The following MARK1 variants were observed in gnomAD, a reference collection of about 807,000 sequenced individuals.
The protein encoded by MARK1 is microtubule affinity regulating kinase 1, also known as serine/threonine-protein kinase MARK1.
Under a neutral mutation model 96.3 loss-of-function variants are expected in MARK1, and 40 were observed. The ratio of observed to expected loss-of-function variants is 0.42; its 90% CI spans 0.32 to 0.54. MARK1 has a LOEUF of 0.54. Ranked by LOEUF, MARK1 falls within the 20% of genes least tolerant of loss-of-function variation. MARK1 has a pLI of 0.16. For synonymous variants in MARK1, 317 were observed against 341.2 expected (o/e 0.93, Z 0.78); for missense variants, 719 against 984.6 (o/e 0.73, Z 3.61).
Position 220,618,229 on chromosome 1 carries a change from T to C in MARK1, c.553-81T>C. ...AAATGAGGGGCAAGAGATATGTAAGTTTGGAAGCTAAAACTCTTTTACAAA... is the reference window on the plus strand; with the variant it reads ...AAATGAGGGGCAAGAGATATGTAAGCTTGGAAGCTAAAACTCTTTTACAAA... On this transcript the variant is annotated intron_variant, in intron 7 of 17. Transcript: ENST00000366917. This position sits in a 1 kb window ranked among gnomAD's most constrained non-coding sequence, Gnocchi z 4.6. The C allele has an allele frequency of 1.1e-6, 1 of 888,476 alleles. No homozygotes were observed. The highest frequency in any genetic ancestry group is 1.8e-6 in the Non-Finnish European group (1 of 562,552). The allele number at this position is 888,476 out of a possible 1,614,324, so 55.0% of individuals were successfully genotyped here.
chr1:220,639,187 T>C (rs1668133337), intron 13 of MARK1, among the ~76,000 whole-genome samples: 1 of 152,074 alleles, frequency 6.6e-6, no homozygotes, highest in Non-Finnish European at 1.5e-5. Context: ...GCCCTGGAGT[T>C]TGAGGCTGCA....
chr1:220,618,498 C>T lies in MARK1; in HGVS notation c.741C>T (p.Leu247=). Residue 247 remains leucine (L), a synonymous_variant, in exon 8 of 18, where the codon CTC becomes CTT. Transcript: ENST00000366917. The surrounding 1 kb of genome is among the most constrained non-coding windows in gnomAD (Gnocchi z 4.6). ...EVDVWSLGVI[L]YTLVSGSLPF... ...ATGTGTGGAGTCTGGGCGTCATTCT[C>T]TATACATTAGTCAGTGGCTCCTTGC... 6.2e-7 allele frequency: 1 copy of T among 1,614,136 alleles called. No homozygotes were observed. The highest frequency in any genetic ancestry group is 8.5e-7 in the Non-Finnish European group (1 of 1,180,020).
chr1:220,587,916 T>G (rs1664752408), intron 3 of MARK1, among the ~76,000 whole-genome samples: 1 of 152,202 alleles, frequency 6.6e-6, no homozygotes, highest in African/African-American at 2.4e-5. Context: ...CAAGTAGAAT[T>G]GCTGGGTTGA....
intron 9 of MARK1, chr1:220,625,696 T>C (rs1040044989): frequency 2.6e-6 from 1 of 384,980 alleles, no homozygotes; most frequent in African/African-American, 2.1e-5. Context: ...ACCTTAAACA[T>C]TACTGTTGAG....
At chr1:220,585,606 A>G (rs1664542619) in intron 3 of MARK1, among the ~76,000 whole-genome samples, 1 of 152,186 alleles carries the variant, frequency 6.6e-6, no homozygotes. Context: ...CTTCCAGAGC[A>G]AGCATATCCA....
At position 220,618,907 on chromosome 1, in the gene MARK1, T is replaced by C; in HGVS notation, c.909+152T>C. ...GGTAGGGAAAATTACATGACTTTTT[T>C]TCACTTTCAAAAGTTGCCACAGTAG... On this transcript the variant is annotated intron_variant, in intron 9 of 17. Transcript: ENST00000366917. The surrounding 1 kb of genome is among the most constrained non-coding windows in gnomAD (Gnocchi z 4.6). The C allele has an allele frequency of 1.5e-6, 1 of 664,080 alleles. No individual in the cohort carries two copies. The highest frequency in any genetic ancestry group is 2.4e-6 in the Non-Finnish European group (1 of 415,664). 41.1% of individuals were successfully genotyped at this position (664,080 alleles called of 1,614,324 possible).
chr1:220,625,932 C>T (rs1312977693), intron 9 of MARK1: 1 of 540,164 alleles, frequency 1.9e-6, no homozygotes. Context: ...AGGAGATGAC[C>T]AAGTACCACA....
chr1:220,573,762 G>A (rs955329972), intron 1 of MARK1, among the ~76,000 whole-genome samples: 2 of 151,572 alleles, frequency 1.3e-5, no homozygotes, highest in Admixed American at 6.6e-5. Context: ...CTTTTTAAAT[G>A]TTGCAGTATT....
intron 9 of MARK1, chr1:220,626,937 G>T (rs1188310378): frequency 6.0e-6 from 3 of 503,662 alleles, no homozygotes; most frequent in African/African-American, 2.0e-5. Context: ...GTTGCCTAGT[G>T]CTGGACATAT....
At chr1:220,613,972 T>C (rs962678185) in intron 6 of MARK1, among the ~76,000 whole-genome samples, 1 of 151,942 alleles carries the variant, frequency 6.6e-6, no homozygotes. Flanking sequence ...TTTTGTGGGG[T>C]TTATTTTGTT....
chr1:220,653,187 G>C lies in MARK1; in HGVS notation c.1823G>C (p.Ser608Thr), dbSNP rs778397736. Reference protein sequence around the residue: ...TPDRTRFPRGSSSRSTFHGEQ... With the variant: ...TPDRTRFPRGTSSRSTFHGEQ... ...GACCGGACCCGTTTTCCCCGAGGGAGCTCAAGCCGAAGCACTTTCCATGGT... is the reference window on the plus strand; with the variant it reads ...GACCGGACCCGTTTTCCCCGAGGGACCTCAAGCCGAAGCACTTTCCATGGT... The change falls in exon 16 of 18, where the codon AGC becomes ACC. Residue 608 changes from serine (S) to threonine (T), a missense_variant. Ser to Thr is a moderately conservative substitution (Grantham distance 58, BLOSUM62 1). Around this residue, in one of 4 missense-constraint regions of MARK1, gnomAD observed 501 missense variants for 588.3 expected, o/e 0.85. Coordinates refer to ENST00000366917, the MANE Select transcript of MARK1 (RefSeq NM_018650.5). 1.2e-6 allele frequency: 2 copies of C among 1,614,246 alleles called. No homozygotes were observed. Among genetic ancestry groups the C allele is most frequent in the Admixed American group, 1.7e-5 (1 of 60,032 alleles).
intron 11 of MARK1, among the ~76,000 whole-genome samples, chr1:220,633,915 G>T (rs1474240127): frequency 2.0e-5 from 3 of 152,114 alleles, no homozygotes; most frequent in Non-Finnish European, 2.9e-5. Flanking sequence ...TGGAGGGAGA[G>T]ATTTGAATAA....
chr1:220,652,180 C>CGTT, intron 15 of MARK1, 30 bp downstream of exon 15: 1 of 1,556,488 alleles, frequency 6.4e-7, no homozygotes, highest in Non-Finnish European at 8.8e-7. Context: ...TCATTTTGTT[C>CGTT]ATTAAGAGTT....
intron 1 of MARK1, among the ~76,000 whole-genome samples, chr1:220,575,663 A>G (rs1663778012): frequency 6.6e-6 from 1 of 152,042 alleles, no homozygotes. Flanking sequence ...TATATGTAAT[A>G]TAAAATATAT....
chr1:220,533,246 C>A (rs1342664905), intron 1 of MARK1, among the ~76,000 whole-genome samples: 3 of 152,050 alleles, frequency 2.0e-5, no homozygotes, highest in African/African-American at 7.2e-5. Context: ...TGTAGCTGAA[C>A]AGTGGTGGAT....
chr1:220,617,477 A>G (rs1666818299), intron 7 of MARK1, among the ~76,000 whole-genome samples: 1 of 152,166 alleles, frequency 6.6e-6, no homozygotes, highest in African/African-American at 2.4e-5. Context: ...ACACATCTAC[A>G]AAGTAACCTA....
At chr1:220,544,461 A>ACCCTTCTG (rs768703766) in intron 1 of MARK1, among the ~76,000 whole-genome samples, 7 of 152,158 alleles carry the variant, frequency 4.6e-5, no homozygotes, top group Non-Finnish European at 7.4e-5. Flanking sequence ...ACACTTGCTT[A>ACCCTTCTG]CCCTTCTGCC....
intron 1 of MARK1, among the ~76,000 whole-genome samples, chr1:220,559,816 G>A (rs1662538324): frequency 6.6e-6 from 1 of 152,156 alleles, no homozygotes. Flanking sequence ...AGACATCACT[G>A]GCAAATGGGG....
intron 6 of MARK1, among the ~76,000 whole-genome samples, chr1:220,614,391 C>T (rs1187709054): frequency 6.6e-6 from 1 of 152,088 alleles, no homozygotes; most frequent in African/African-American, 2.4e-5. Flanking sequence ...TATTTCTGTC[C>T]TTCAAGGATG....
Sources: gnomAD v4.1 joint callset for allele counts (sites outside exome capture counted in the v4.1 genomes callset) on GRCh38, gnomAD v4.1.1 for gene constraint, gnomAD v4.1.1 regional missense constraint, Gnocchi (gnomAD v3.1) non-coding constraint, MANE v1.5 for transcripts, NCBI Gene and HGNC (gene_info 2026-07-23, HGNC 2026-07-21) for gene names.